Variants in PINK1 observed in about 807,000 individuals in gnomAD.
The protein encoded by PINK1 is serine/threonine-protein kinase PINK1, mitochondrial.
PINK1 carries 58 observed loss-of-function variants against 56.0 expected under a neutral mutation model. The observed-to-expected ratio is 1.04, with a 90% CI of 0.84 to 1.29. PINK1 has a LOEUF of 1.29. PINK1 is among the 50% of genes most tolerant of loss of function. The pLI, the probability that PINK1 is intolerant of heterozygous loss-of-function variation, is 0.00. For synonymous variants in PINK1, 354 were observed against 339.3 expected (o/e 1.04, Z -0.48); for missense variants, 745 against 777.9 (o/e 0.96, Z 0.50).
intron 7 of PINK1, 189 bp from the exon 8 acceptor site, chr1:20,650,243 CAT>C (rs2053248762): frequency 2.8e-6 from 2 of 719,766 alleles, no homozygotes; most frequent in Admixed American, 2.1e-5. Flanking sequence ...GAGGTGTACA[CAT>C]GGAAAAGCTT....
chr1:20,650,463 G>T lies in PINK1; in HGVS notation c.1518G>T (p.Val506=). 1 of 1,614,050 alleles carries T rather than the reference G, an allele frequency of 6.2e-7. No individual in the cohort carries two copies. Among genetic ancestry groups the T allele is most frequent in the Non-Finnish European group, 8.5e-7 (1 of 1,179,934 alleles). ...CATCTGCCCGAGTAGCCGCAAATGTGCTTCATCTAAGCCTCTGGGGTGAAC... is the reference window on the plus strand; with the variant it reads ...CATCTGCCCGAGTAGCCGCAAATGTTCTTCATCTAAGCCTCTGGGGTGAAC... ...KRPSARVAAN[V]LHLSLWGEHI... is the part of the protein sequence containing the mutation. Residue 506 remains valine, a synonymous_variant, in exon 8 of 8, where the codon GTG becomes GTT. Transcript: ENST00000321556.
chr1:20,640,066 C>T, intron 3 of PINK1, 74 bp downstream of exon 3: 1 of 1,205,832 alleles, frequency 8.3e-7, no homozygotes, highest in Admixed American at 2.0e-5. Flanking sequence ...ATGTCCTCAG[C>T]ACCTGGTACA....
chr1:20,634,000 T>TCAGGG, intron 1 of PINK1, 65 bp downstream of exon 1: 1 of 696,620 alleles, frequency 1.4e-6, no homozygotes, highest in Non-Finnish European at 1.9e-6. Context: ...GGTCCTCAGC[T>TCAGGG]GGGTGGGGGC....
intron 3 of PINK1, among the ~76,000 whole-genome samples, chr1:20,644,053 CTA>C (rs1333224078): frequency 6.6e-6 from 1 of 152,206 alleles, no homozygotes; most frequent in East Asian, 1.9e-4. Flanking sequence ...TCTCCTCTCT[CTA>C]AATATCTTCT....
chr1:20,649,173 C>A lies in PINK1; in HGVS notation c.1430C>A (p.Ser477Ter). The change falls in exon 7 of 8, where the codon TCA becomes TAA. Residue 477 changes from serine (S) to a stop codon, truncating the protein, a stop_gained. Transcript: ENST00000321556. LOFTEE classifies it high-confidence loss of function. ...QEAQLPALPE[S>*]VPPDVRQLVR... ...GCTCAGCTACCTGCACTGCCCGAGT[C>A]AGTGCCTCCAGACGTGAGACAGTTG... 6.2e-7 allele frequency: 1 copy of A among 1,614,220 alleles called. No homozygotes were observed. Among genetic ancestry groups the A allele is most frequent in the South Asian group, 1.1e-5 (1 of 91,078 alleles).
chr1:20,637,141 A>G (rs1050277003), intron 1 of PINK1, among the ~76,000 whole-genome samples: 7 of 152,214 alleles, frequency 4.6e-5, no homozygotes, highest in Admixed American at 3.9e-4. Context: ...TCAGCAGATC[A>G]GACCATTTGA....
chr1:20,639,736 G>A, intron 2 of PINK1, 156 bp from the exon 3 acceptor site: 1 of 711,054 alleles, frequency 1.4e-6, no homozygotes, highest in Non-Finnish European at 2.5e-6. Context: ...GGAGTAACTA[G>A]TCTCAGCCTG....
At chr1:20,645,499 A>AAAC in intron 4 of PINK1, 61 bp from the exon 5 acceptor site, 1 of 1,518,268 alleles carries the variant, frequency 6.6e-7, no homozygotes, top group Non-Finnish European at 9.0e-7. Context: ...AAAAAAAAAA[A>AAAC]AAAAACGTAT....
At chr1:20,650,197 G>T in intron 7 of PINK1, 1 of 591,678 alleles carries the variant, frequency 1.7e-6, no homozygotes, top group Non-Finnish European at 3.0e-6. Flanking sequence ...CACCCAGGGG[G>T]AAAGGCTATT....
intron 5 of PINK1, among the ~76,000 whole-genome samples, chr1:20,647,720 C>T (rs1408392365): frequency 2.6e-5 from 4 of 152,094 alleles, no homozygotes; most frequent in Admixed American, 1.3e-4. Flanking sequence ...CCGCCTGCCT[C>T]GGCCTCCCAA....
At chr1:20,640,551 G>A (rs2053105846) in intron 3 of PINK1, among the ~76,000 whole-genome samples, 1 of 152,178 alleles carries the variant, frequency 6.6e-6, no homozygotes, top group Non-Finnish European at 1.5e-5. Context: ...CCTTCTCAAA[G>A]GGACAGTTTG....
chr1:20,639,776 G>A, intron 2 of PINK1, 116 bp from the exon 3 acceptor site: 2 of 898,778 alleles, frequency 2.2e-6, no homozygotes, highest in South Asian at 2.8e-5. Context: ...TTATCTCGAA[G>A]GTCAGAGCCA....
rs780970528 is a variant in PINK1 at position 20,633,881 on chromosome 1, C to G, written c.333C>G (p.Ile111Met). ...CCTTCGGGCTAGGGCTGGGCCTCAT[C>G]GAGGAAAAACAGGCGGAGAGCCGGC... is the stretch of plus-strand genomic sequence containing the variant. ...FLAFGLGLGL[I>M]EEKQAESRRA... The change falls in exon 1 of 8, where the codon ATC becomes ATG. Residue 111 changes from isoleucine to methionine, a missense_variant. Physicochemically the swap from Ile to Met is conservative, Grantham distance 10. Coordinates refer to ENST00000321556, the MANE Select transcript of PINK1 (RefSeq NM_032409.3). 3.8e-6 allele frequency: 6 copies of G among 1,582,104 alleles called. No individual in the cohort carries two copies. The highest frequency in any genetic ancestry group is 1.8e-5 in the Admixed American group (1 of 55,626).
At chr1:20,645,903 CAG>C (rs780872350) in intron 5 of PINK1, among the ~76,000 whole-genome samples, 180 bp downstream of exon 5, 276 of 151,968 alleles carry the variant, frequency 1.8e-3, no homozygotes, top group Non-Finnish European at 2.4e-3. Context: ...TCTCTCTTTG[CAG>C]AGAGACAGCA....
chr1:20,650,883 C>T lies in PINK1; in HGVS notation c.*192C>T, dbSNP rs1347915315. ...CAGTCTGCAGTCCTCTGCTCACAGACATCTGAAAAGTGAATGGCCAAGCTG... is the reference window on the plus strand; with the variant it reads ...CAGTCTGCAGTCCTCTGCTCACAGATATCTGAAAAGTGAATGGCCAAGCTG... On this transcript the variant is annotated 3_prime_UTR_variant, in exon 8 of 8. Transcript: ENST00000321556. The T allele has an allele frequency of 2.7e-6, 2 of 732,484 alleles. No individual in the cohort carries two copies. The highest frequency in any genetic ancestry group is 2.7e-5 in the East Asian group (1 of 36,674). The allele number at this position is 732,484 out of a possible 1,614,324, so 45.4% of individuals were successfully genotyped here. A position where few individuals can be genotyped will look rare whatever the true frequency, so the allele number is the denominator to read the frequency against.
Position 20,651,186 on chromosome 1 carries a change from T to C in PINK1, c.*495T>C, listed in dbSNP as rs555315482. ...GCGTTCTGGACCAGCTACTGAATTA[T>C]TAATCTCACTTAGCGAAAGTGACGG... On this transcript the variant is annotated 3_prime_UTR_variant, in exon 8 of 8. Coordinates refer to ENST00000321556, the MANE Select transcript of PINK1 (RefSeq NM_032409.3). 4.3e-5 allele frequency: 8 copies of C among 184,208 alleles called. No individual in the cohort carries two copies. The South Asian group carries it at 9.4e-4, about 22-fold the overall frequency. The allele number at this position is 184,208 out of a possible 1,614,324, so 11.4% of individuals were successfully genotyped here. A position where few individuals can be genotyped will look rare whatever the true frequency, so the allele number is the denominator to read the frequency against.
rs1396603457 is a variant in PINK1, at chr1:20,633,702, C to T, written c.154C>T (p.Pro52Ser). The change falls in exon 1 of 8, where the codon CCG becomes TCG. Residue 52 changes from proline (P) to serine (S), a missense_variant. Transcript: ENST00000321556. ...GGAGCGTCCAGGCTGGGCCGCAGGA[C>T]CGGGCGCGGAGCCTCGCAGGGTCGG... ...RGERPGWAAGPGAEPRRVGLG... is the reference protein window; with the variant it reads ...RGERPGWAAGSGAEPRRVGLG... 1 of 1,513,746 alleles carries T rather than the reference C, an allele frequency of 6.6e-7. No homozygotes were observed. The highest frequency in any genetic ancestry group is 8.8e-7 in the Non-Finnish European group (1 of 1,137,454). 93.8% of individuals were successfully genotyped at this position (1,513,746 alleles called of 1,614,324 possible). A position where few individuals can be genotyped will look rare whatever the true frequency, so the allele number is the denominator to read the frequency against.
intron 6 of PINK1, 92 bp from the exon 7 acceptor site, chr1:20,648,903 G>A (rs1553146843): frequency 1.4e-6 from 2 of 1,447,864 alleles, no homozygotes; most frequent in Non-Finnish European, 1.9e-6. Flanking sequence ...TTGGGACAGA[G>A]TTCAGATTAG....
chr1:20,644,177 T>C (rs969523512), intron 3 of PINK1, among the ~76,000 whole-genome samples: 2 of 152,126 alleles, frequency 1.3e-5, no homozygotes, highest in Middle Eastern at 3.2e-3. Flanking sequence ...AGACCTGGAA[T>C]GCAAACCCAG....
Sources: gnomAD v4.1 joint callset for allele counts (sites outside exome capture counted in the v4.1 genomes callset) on GRCh38, gnomAD v4.1.1 for gene constraint, MANE v1.5 for transcripts, NCBI Gene and HGNC (gene_info 2026-07-23, HGNC 2026-07-21) for gene names.